The following USP48 variants were observed in gnomAD, a reference collection of about 807,000 sequenced individuals.
USP48 encodes ubiquitin carboxyl-terminal hydrolase 48.
USP48 carries 43 observed loss-of-function variants against 150.7 expected under a neutral mutation model. The observed-to-expected ratio is 0.29, with a 90% CI of 0.22 to 0.37. USP48 has a LOEUF of 0.37. USP48 is among the 10% of genes least tolerant of loss of function. The pLI is 1.00. For missense variants in USP48, 813 were observed against 1,249.6 expected, an observed-to-expected ratio of 0.65 and a Z score of 5.27; for synonymous variants, 396 against 425.9, an observed-to-expected ratio of 0.93 and a Z score of 0.86.
chr1:21,721,315 C>T (rs541361023), intron 13 of USP48, 149 bp from the exon 14 acceptor site: 16 of 1,159,458 alleles, frequency 1.4e-5, no homozygotes, highest in Middle Eastern at 2.0e-4. Context: ...TTCCTAATTT[C>T]GGTCATTTTC....
At chr1:21,764,711 C>CA (rs35810751) in intron 1 of USP48, among the ~76,000 whole-genome samples, 22,424 of 108,142 alleles carry the variant, frequency 0.21, 3,402 homozygotes, top group African/African-American at 0.44. Flanking sequence ...CACTCCGTCT[C>CA]AAAAAAAAAA....
At chr1:21,727,822 G>A (rs2097743422) in intron 11 of USP48, 9 of 949,580 alleles carry the variant, frequency 9.5e-6, no homozygotes, top group Non-Finnish European at 1.1e-5. Context: ...GGAAAATTAA[G>A]ATATTAAAAA....
At chr1:21,702,370 G>C (rs1406163868) in intron 21 of USP48, among the ~76,000 whole-genome samples, 1 of 151,816 alleles carries the variant, frequency 6.6e-6, no homozygotes, top group Non-Finnish European at 1.5e-5. Flanking sequence ...TAGAGATATG[G>C]GTCAGGATCT....
Position 21,685,410 on chromosome 1 carries a change from G to T in USP48, c.3058+1781C>A, listed in dbSNP as rs372379702. Among the ~76,000 whole-genome samples, 148 of 151,658 alleles carry T rather than the reference G, an allele frequency of 9.8e-4. 1 individual carries two copies. The highest frequency in any genetic ancestry group is 3.5e-3 in the African/African-American group (145 of 41,364). On this transcript the variant is annotated intron_variant, in intron 25 of 26. Transcript: ENST00000308271. ...GATCTTGGCTCACTGCATCCACTGGGTTCAAGCAATTCTCCTGCCTCAGCC... is the reference window on the plus strand; with the variant it reads ...GATCTTGGCTCACTGCATCCACTGGTTTCAAGCAATTCTCCTGCCTCAGCC...
At position 21,706,508 on chromosome 1, in the gene USP48, A is replaced by G; in HGVS notation, c.2170T>C (p.Phe724Leu). The change falls in exon 17 of 27, where the codon TTC becomes CTC. Residue 724 changes from phenylalanine to leucine, a missense_variant. Physicochemically the swap from Phe to Leu is conservative, Grantham distance 22. Coordinates refer to ENST00000308271, the MANE Select transcript of USP48 (RefSeq NM_032236.8). ...AGACACGGTCTGTTTTTATCCTGGA[A>G]CAAATTTGGGAGAGAAGTCTTTTGC... The part of the protein sequence containing the change: ...NEQKTSLPNL[F>L]QDKNRPCLSN... The G allele has an allele frequency of 6.2e-7, 1 of 1,614,060 alleles. No individual in the cohort carries two copies. Among genetic ancestry groups the G allele is most frequent in the Non-Finnish European group, 8.5e-7 (1 of 1,179,942 alleles).
At chr1:21,696,048 TATAA>T (rs1201891027) in intron 22 of USP48, among the ~76,000 whole-genome samples, 5 of 152,146 alleles carry the variant, frequency 3.3e-5, no homozygotes, top group African/African-American at 1.2e-4. Context: ...ATAGGGGATA[TATAA>T]ATAAATTAAA....
At chr1:21,762,526 C>T (rs1319239377) in intron 1 of USP48, among the ~76,000 whole-genome samples, 1 of 152,084 alleles carries the variant, frequency 6.6e-6, no homozygotes, top group African/African-American at 2.4e-5. Context: ...GGTGTAATAT[C>T]AAGTCTTGTT....
Position 21,705,776 on chromosome 1 carries a change from C to T in USP48, c.2335G>A (p.Gly779Arg), listed in dbSNP as rs1358581050. 2.5e-6 allele frequency: 4 copies of T among 1,612,434 alleles called. No individual in the cohort carries two copies. The highest frequency in any genetic ancestry group is 1.3e-5 in the African/African-American group (1 of 74,822). Residue 779 changes from glycine to arginine, a missense_variant, in exon 19 of 27, where the codon GGG becomes AGG. Gly to Arg is a moderately radical substitution (Grantham distance 125, BLOSUM62 -2). Coordinates refer to ENST00000308271, the MANE Select transcript of USP48 (RefSeq NM_032236.8). Reference protein sequence around the residue: ...VGNSALLCPHGGLMFTFASMT... With the variant: ...VGNSALLCPHRGLMFTFASMT... ...GAAGCAAATGTAAACATGAGGCCCC[C>T]GTGGGGACACAAAAGAGCACTGTTC...
At chr1:21,702,255 G>C (rs862590) in intron 21 of USP48, among the ~76,000 whole-genome samples, 1 of 151,974 alleles carries the variant, frequency 6.6e-6, no homozygotes, top group Non-Finnish European at 1.5e-5. Context: ...ATAATTATAA[G>C]TTACCCTTCT....
At chr1:21,716,354 C>A (rs1442794766) in intron 14 of USP48, among the ~76,000 whole-genome samples, 2 of 152,128 alleles carry the variant, frequency 1.3e-5, no homozygotes, top group Non-Finnish European at 2.9e-5. Flanking sequence ...TGCTAGGTGA[C>A]CAGTCAGTAG....
chr1:21,713,165 C>T (rs1029327479), intron 15 of USP48, among the ~76,000 whole-genome samples: 4 of 151,558 alleles, frequency 2.6e-5, no homozygotes, highest in Admixed American at 1.3e-4. Flanking sequence ...TACAGTGGCA[C>T]GTGAATATGG....
chr1:21,727,966 G>A, intron 11 of USP48: 2 of 985,388 alleles, frequency 2.0e-6, no homozygotes, highest in Non-Finnish European at 2.4e-6. Context: ...TAATACAAAT[G>A]GCACATCAGC....
At chr1:21,695,360 GA>G in intron 22 of USP48, 139 bp from the exon 23 acceptor site, 1 of 902,038 alleles carries the variant, frequency 1.1e-6, no homozygotes, top group Non-Finnish European at 1.6e-6. Context: ...ACAATGAGTA[GA>G]AACTAACGAG....
intron 13 of USP48, 87 bp downstream of exon 13, chr1:21,721,563 C>T (rs2097720990): frequency 5.5e-6 from 5 of 911,296 alleles, no homozygotes; most frequent in Non-Finnish European, 4.7e-6. Flanking sequence ...TCCCAACTTC[C>T]TATTTTTAAT....
Position 21,705,859 on chromosome 1 carries a change from G to A in USP48, c.2274-22C>T, listed in dbSNP as rs1220534182. On this transcript the variant is annotated intron_variant, in intron 18 of 26. Transcript: ENST00000308271. The stretch of plus-strand genomic sequence containing the variant: ...CTTTCTACTCAAATGAGACAAGGAG[G>A]AGAAATATACCTAATTACTGCATGA... 6 of 1,539,868 alleles carry A rather than the reference G, an allele frequency of 3.9e-6. No individual in the cohort carries two copies. In the South Asian group the frequency reaches 6.1e-5, roughly 16 times the overall value.
At chr1:21,698,505 G>T (rs1178933652) in intron 22 of USP48, among the ~76,000 whole-genome samples, 1 of 152,072 alleles carries the variant, frequency 6.6e-6, no homozygotes, top group Non-Finnish European at 1.5e-5. Flanking sequence ...CCAAAAAAAA[G>T]TTAGCTTTCT....
At chr1:21,754,520 C>T (rs2097826462) in intron 3 of USP48, among the ~76,000 whole-genome samples, 1 of 152,170 alleles carries the variant, frequency 6.6e-6, no homozygotes, top group Non-Finnish European at 1.5e-5. Flanking sequence ...TCCAAATCTA[C>T]CCTTCTTTGC....
At chr1:21,782,534 A>G (rs1253195737) in intron 1 of USP48, among the ~76,000 whole-genome samples, 1 of 152,196 alleles carries the variant, frequency 6.6e-6, no homozygotes, top group Non-Finnish European at 1.5e-5. Flanking sequence ...AGATACCCCA[A>G]CCATCAACGC....
intron 8 of USP48, among the ~76,000 whole-genome samples, chr1:21,740,555 G>A (rs1224399105): frequency 6.6e-6 from 1 of 152,166 alleles, no homozygotes; most frequent in Non-Finnish European, 1.5e-5. Context: ...TACCTATGAA[G>A]TCAGAAAAAC....
Sources: gnomAD v4.1 joint callset for allele counts (sites outside exome capture counted in the v4.1 genomes callset) on GRCh38, gnomAD v4.1.1 for gene constraint, MANE v1.5 for transcripts, NCBI Gene and HGNC (gene_info 2026-07-23, HGNC 2026-07-21) for gene names.